Variants in TBC1D22A observed in about 807,000 individuals in gnomAD.
TBC1D22A encodes the protein putative GTPase activator.
TBC1D22A carries 38 observed loss-of-function variants against 60.2 expected under a neutral mutation model. The ratio of observed to expected loss-of-function variants is 0.63; its 90% CI spans 0.49 to 0.83. The LOEUF is 0.83. Ranked by LOEUF, TBC1D22A falls within the 40% of genes least tolerant of loss-of-function variation. The probability of loss-of-function intolerance (pLI) is 0.00; values close to 1 mark genes in which losing one functional copy is unlikely to be tolerated. For synonymous variants in TBC1D22A, 302 were observed against 281.7 expected, an observed-to-expected ratio of 1.07 and a Z score of -0.72; for missense variants, 628 against 701.0, an observed-to-expected ratio of 0.90 and a Z score of 1.18.
At chr22:47,101,015 C>T (rs1244482524) in intron 11 of TBC1D22A, among the ~76,000 whole-genome samples, 3 of 152,194 alleles carry the variant, frequency 2.0e-5, no homozygotes, top group African/African-American at 7.2e-5. Context: ...AGTGTGGAAA[C>T]GTGCCCGATT....
intron 7 of TBC1D22A, among the ~76,000 whole-genome samples, chr22:46,899,999 G>A (rs1263511517): frequency 1.3e-5 from 2 of 151,636 alleles, no homozygotes; most frequent in East Asian, 2.0e-4. Flanking sequence ...CATTCCACAG[G>A]TGATGGCTGG....
chr22:46,797,353 A>G (rs2084698452), intron 3 of TBC1D22A, 91 bp from the exon 4 acceptor site: 1 of 1,427,000 alleles, frequency 7.0e-7, no homozygotes, highest in Admixed American at 2.0e-5. Flanking sequence ...GGGACCCATC[A>G]GCATTCACAA....
chr22:46,832,919 G>A (rs995800178), intron 4 of TBC1D22A, among the ~76,000 whole-genome samples: 9 of 152,146 alleles, frequency 5.9e-5, no homozygotes, highest in African/African-American at 2.2e-4. Flanking sequence ...ACAGGGAAGG[G>A]CGGATGGTGT....
chr22:46,840,779 G>A (rs2086723881), intron 4 of TBC1D22A, among the ~76,000 whole-genome samples: 1 of 151,660 alleles, frequency 6.6e-6, no homozygotes, highest in South Asian at 2.1e-4. Flanking sequence ...GTGAGAATTT[G>A]TAGAAAGGGG....
chr22:46,940,713 TACACACAC>T, intron 8 of TBC1D22A, among the ~76,000 whole-genome samples: 1 of 129,682 alleles, frequency 7.7e-6, no homozygotes, highest in East Asian at 2.4e-4. Flanking sequence ...TGTATGTATA[TACACACAC>T]ACACAGTCCA....
chr22:46,848,652 C>A (rs2087130400), intron 4 of TBC1D22A, among the ~76,000 whole-genome samples: 1 of 152,164 alleles, frequency 6.6e-6, no homozygotes. Flanking sequence ...GTTGGCATTG[C>A]TGAGTCTGTA....
intron 11 of TBC1D22A, among the ~76,000 whole-genome samples, chr22:47,037,887 T>G (rs1288326281): frequency 6.6e-6 from 1 of 152,198 alleles, no homozygotes; most frequent in Admixed American, 6.5e-5. Context: ...ACTCACACCT[T>G]GTCTATATTT....
intron 11 of TBC1D22A, among the ~76,000 whole-genome samples, chr22:47,047,919 C>T (rs901009029): frequency 2.0e-5 from 3 of 152,322 alleles, no homozygotes; most frequent in Non-Finnish European, 2.9e-5. Flanking sequence ...CAGGACTTCT[C>T]CAAAGTTTAG....
intron 9 of TBC1D22A, among the ~76,000 whole-genome samples, chr22:46,988,587 A>G (rs901705823): frequency 2.0e-5 from 3 of 152,212 alleles, no homozygotes; most frequent in African/African-American, 7.2e-5. Flanking sequence ...TGCATTGTCC[A>G]TGAGCAGGAA....
At chr22:47,142,323 CCATT>C (rs1307162472) in intron 12 of TBC1D22A, among the ~76,000 whole-genome samples, 14 of 139,000 alleles carry the variant, frequency 1.0e-4, no homozygotes, top group African/African-American at 3.2e-4. Flanking sequence ...ACCCACCCAT[CCATT>C]CATTCAGCCA....
intron 12 of TBC1D22A, among the ~76,000 whole-genome samples, chr22:47,167,793 C>T (rs1438862824): frequency 6.6e-6 from 1 of 152,076 alleles, no homozygotes; most frequent in Non-Finnish European, 1.5e-5. Context: ...TCAGAAGGAA[C>T]CAGTTGAAAG....
At chr22:47,104,449 C>T (rs1603272720) in intron 11 of TBC1D22A, among the ~76,000 whole-genome samples, 1 of 148,356 alleles carries the variant, frequency 6.7e-6, no homozygotes, top group South Asian at 2.2e-4. Flanking sequence ...AATCCCAGCA[C>T]TTTGGGAGGG....
chr22:47,085,832 G>A (rs1346460300), intron 11 of TBC1D22A, among the ~76,000 whole-genome samples: 1 of 152,144 alleles, frequency 6.6e-6, no homozygotes, highest in South Asian at 2.1e-4. Context: ...TGTTCACCGG[G>A]AATCCAGAGA....
chr22:47,126,359 G>C (rs1601595804), intron 12 of TBC1D22A, among the ~76,000 whole-genome samples: 1 of 152,246 alleles, frequency 6.6e-6, no homozygotes, highest in Admixed American at 6.5e-5. Flanking sequence ...CCCTTCCCCT[G>C]TGGTTCCTGA....
intron 11 of TBC1D22A, among the ~76,000 whole-genome samples, chr22:47,101,584 G>A (rs947765668): frequency 6.6e-5 from 10 of 152,236 alleles, no homozygotes; most frequent in Non-Finnish European, 1.2e-4. Context: ...GTACTCAGAC[G>A]GGACATGCTT....
At chr22:46,954,521 C>T (rs1390995537) in intron 8 of TBC1D22A, among the ~76,000 whole-genome samples, 1 of 152,178 alleles carries the variant, frequency 6.6e-6, no homozygotes, top group Non-Finnish European at 1.5e-5. Flanking sequence ...TCTCATTGGC[C>T]CCCTCTCCTG....
intron 7 of TBC1D22A, among the ~76,000 whole-genome samples, chr22:46,902,220 TTC>T (rs2069049386): frequency 2.6e-5 from 4 of 152,248 alleles, no homozygotes; most frequent in African/African-American, 9.6e-5. Context: ...GCGTTCAGAT[TTC>T]TGAAGTTTGG....
In TBC1D22A at chr22:46,965,295, G is replaced by A. The variant is rs147035672; in HGVS notation, c.1016-8995G>A. Among the ~76,000 whole-genome samples the A allele has an allele frequency of 8.7e-3, 1,328 of 152,166 alleles. 19 individuals carry two copies. Among genetic ancestry groups the A allele is most frequent in the African/African-American group, 0.031 (1,269 of 41,418 alleles). On this transcript the variant is annotated intron_variant, in intron 8 of 12. Transcript: ENST00000337137. The stretch of plus-strand genomic sequence containing the variant: ...CGTGCCATTTTGCCATCTGACCTGT[G>A]GGGGCGGGGTGCCCCGCCCATTCTC...
At chr22:47,165,944 C>T (rs1176733393) in intron 12 of TBC1D22A, among the ~76,000 whole-genome samples, 1 of 152,224 alleles carries the variant, frequency 6.6e-6, no homozygotes, top group African/African-American at 2.4e-5. Flanking sequence ...CGTCGCATGT[C>T]ACCGTGGTGA....
Sources: gnomAD v4.1 joint callset for allele counts (sites outside exome capture counted in the v4.1 genomes callset) on GRCh38, gnomAD v4.1.1 for gene constraint, MANE v1.5 for transcripts, NCBI Gene and HGNC (gene_info 2026-07-23, HGNC 2026-07-21) for gene names.